Variants in ACYP2 observed in about 807,000 individuals in gnomAD.
ACYP2 encodes acylphosphatase 2.
A neutral mutation model predicts 11.2 loss-of-function variants in ACYP2; 12 were observed. The ratio of observed to expected loss-of-function variants is 1.08; its 90% CI spans 0.69 to 1.74. ACYP2 has a LOEUF of 1.74. ACYP2 is among the 40% of genes most tolerant of loss of function. The probability of loss-of-function intolerance (pLI) is 0.00; values close to 1 mark genes in which losing one functional copy is unlikely to be tolerated. For synonymous variants in ACYP2, 43 were observed against 32.2 expected (o/e 1.33, Z -1.13); for missense variants, 134 against 101.9 (o/e 1.31, Z -1.35).
At chr2:54,256,186 C>T (rs754547518) in intron 6 of ACYP2, 4 of 1,579,466 alleles carry the variant, frequency 2.5e-6, no homozygotes, top group South Asian at 1.2e-5. Flanking sequence ...GGGTAGAGGC[C>T]AGGCCAGAGG....
chr2:54,269,921 G>A (rs957195724), intron 6 of ACYP2, among the ~76,000 whole-genome samples: 2 of 152,036 alleles, frequency 1.3e-5, no homozygotes, highest in African/African-American at 4.8e-5. Context: ...CTATATAACA[G>A]TCTGTTGAGT....
chr2:54,060,937 T>A (rs1249001574), intron 4 of ACYP2, among the ~76,000 whole-genome samples: 1 of 152,184 alleles, frequency 6.6e-6, no homozygotes, highest in African/African-American at 2.4e-5. Flanking sequence ...CCTGCCCTTA[T>A]GTTTTATACC....
chr2:54,256,673 T>A lies in ACYP2; in HGVS notation c.405-48015T>A, dbSNP rs943400175. Among the ~76,000 whole-genome samples, 15 of 152,338 alleles carry A rather than the reference T, an allele frequency of 9.8e-5. 1 individual carries two copies. Among genetic ancestry groups the A allele is most frequent in the Non-Finnish European group, 1.8e-4 (12 of 68,020 alleles). On this transcript the variant is annotated intron_variant, in intron 6 of 6. Transcript: ENST00000607452. ...TTACTTTTCTTTTGGACTCGTAGTT[T>A]CGCTGTCGCCGAGGCTGGAGTACAA...
intron 2 of ACYP2, among the ~76,000 whole-genome samples, chr2:53,984,050 A>T (rs1447296362): frequency 2.0e-5 from 3 of 152,174 alleles, no homozygotes; most frequent in Admixed American, 6.5e-5. Context: ...TGGTTTAGAA[A>T]GATGACTCTG....
At chr2:54,115,578 G>A (rs748388779) in intron 4 of ACYP2, 37 bp from the exon 1 acceptor site, 4 of 1,539,824 alleles carry the variant, frequency 2.6e-6, no homozygotes, top group East Asian at 5.1e-5. Context: ...CTAGCGTCCG[G>A]GACCGGTGAC....
chr2:54,115,400 T>C (rs1679690827), intron 4 of ACYP2: 3 of 616,410 alleles, frequency 4.9e-6, no homozygotes, highest in Non-Finnish European at 8.0e-6. Context: ...AGTACCTTGA[T>C]CAATTAAATG....
chr2:54,273,993 C>T (rs915728869), intron 6 of ACYP2, among the ~76,000 whole-genome samples: 4 of 152,194 alleles, frequency 2.6e-5, no homozygotes, highest in Non-Finnish European at 4.4e-5. Context: ...TAAAATTGTT[C>T]TTTAGGCTGG....
intron 6 of ACYP2, among the ~76,000 whole-genome samples, chr2:54,221,546 G>A (rs72802630): frequency 0.28 from 34,150 of 121,664 alleles, 4,189 homozygotes; most frequent in East Asian, 0.41. Flanking sequence ...TTTTAAACAC[G>A]GTCTCTCTCT....
chr2:54,102,543 G>A (rs1428857991), intron 4 of ACYP2, among the ~76,000 whole-genome samples: 1 of 145,200 alleles, frequency 6.9e-6, no homozygotes, highest in Non-Finnish European at 1.5e-5. Context: ...GAGGTCTAGA[G>A]GAACGAGACA....
chr2:53,972,182 C>T (rs1029936121), intron 1 of ACYP2, among the ~76,000 whole-genome samples: 3 of 150,872 alleles, frequency 2.0e-5, no homozygotes, highest in African/African-American at 7.4e-5. Context: ...TGGTGGCGGA[C>T]GCCTGTAATC....
At chr2:54,203,683 A>C (rs1311266674) in intron 6 of ACYP2, among the ~76,000 whole-genome samples, 2 of 152,116 alleles carry the variant, frequency 1.3e-5, no homozygotes, top group Non-Finnish European at 2.9e-5. Context: ...GATTTTGTTA[A>C]GTGCTTTTTC....
At chr2:53,995,028 C>A (rs7591431) in intron 2 of ACYP2, among the ~76,000 whole-genome samples, 60,357 of 151,772 alleles carry the variant, frequency 0.4, 12,346 homozygotes, top group South Asian at 0.49. Context: ...GTTTTTGCGT[C>A]AGTGTCTCAT....
intron 2 of ACYP2, among the ~76,000 whole-genome samples, chr2:54,012,235 CAAA>C (rs773858784): frequency 2.1e-5 from 2 of 96,604 alleles, no homozygotes; most frequent in Non-Finnish European, 4.3e-5. Flanking sequence ...GACTCCGTCT[CAAA>C]AAAAAAAAAA....
At chr2:53,997,970 A>T (rs1300530472) in intron 2 of ACYP2, among the ~76,000 whole-genome samples, 1 of 152,168 alleles carries the variant, frequency 6.6e-6, no homozygotes, top group South Asian at 2.1e-4. Flanking sequence ...TTATGAATAG[A>T]CTTTGGTGGT....
intron 5 of ACYP2, among the ~76,000 whole-genome samples, chr2:54,138,201 C>T (rs1681374533): frequency 6.6e-6 from 1 of 152,102 alleles, no homozygotes; most frequent in African/African-American, 2.4e-5. Flanking sequence ...TCTATTTCTG[C>T]TTATCAATAC....
chr2:54,021,965 G>C (rs1674029186), intron 2 of ACYP2, among the ~76,000 whole-genome samples: 1 of 152,052 alleles, frequency 6.6e-6, no homozygotes, highest in Non-Finnish European at 1.5e-5. Flanking sequence ...GAGCCAGTGA[G>C]CCAAGTAAAA....
At chr2:54,065,903 C>G (rs1676720696) in intron 4 of ACYP2, 1 of 169,680 alleles carries the variant, frequency 5.9e-6, no homozygotes, top group Non-Finnish European at 1.2e-5. Flanking sequence ...CTAATACGTG[C>G]TGCTTACCGG....
intron 5 of ACYP2, among the ~76,000 whole-genome samples, chr2:54,138,064 G>A (rs756010176): frequency 6.7e-6 from 1 of 150,138 alleles, no homozygotes; most frequent in Non-Finnish European, 1.5e-5. Flanking sequence ...TATGCTTCTT[G>A]GCCACACATA....
chr2:54,200,017 C>T (rs1054654723), intron 6 of ACYP2, among the ~76,000 whole-genome samples: 1 of 152,216 alleles, frequency 6.6e-6, no homozygotes, highest in Non-Finnish European at 1.5e-5. Flanking sequence ...ATTCCTTTAA[C>T]TCACAAGCTT....
Sources: allele counts gnomAD v4.1 joint callset (sites outside exome capture counted in the v4.1 genomes callset), GRCh38; gene constraint gnomAD v4.1.1; transcripts MANE v1.5; gene names NCBI Gene and HGNC (gene_info 2026-07-23, HGNC 2026-07-21).